DISP1: variants seen among roughly 807,000 people sequenced by gnomAD.
DISP1 encodes dispatched RND transporter family member 1, also known as protein dispatched homolog 1.
A neutral mutation model predicts 37.3 loss-of-function variants in DISP1; 30 were observed. That is an observed-to-expected ratio of 0.80 (90% CI 0.60 to 1.09). DISP1 has a LOEUF of 1.09. Ranked by LOEUF, DISP1 falls within the 50% of genes least tolerant of loss-of-function variation. DISP1 has a pLI of 0.00. For synonymous variants in DISP1, 634 were observed against 690.2 expected, an observed-to-expected ratio of 0.92 and a Z score of 1.28; for missense variants, 1,598 against 1,879.5, an observed-to-expected ratio of 0.85 and a Z score of 2.77.
chr1:223,003,743 G>A lies in DISP1; in HGVS notation c.2346G>A (p.Glu782=). The change falls in exon 9 of 9, where the codon GAG becomes GAA. Residue 782 remains glutamate, a synonymous_variant. Coordinates refer to ENST00000675850, the MANE Select transcript of DISP1 (RefSeq NM_001377229.1). The surrounding 1 kb of genome is among the most constrained non-coding windows in gnomAD (Gnocchi z 4.3). ...TTGAACGTGTTCACCATGGCGAGGA[G>A]CTCCACATGCCCATCACAGTAATCT... ...FMFERVHHGE[E]LHMPITVIWG... is the part of the protein sequence containing the mutation. The A allele has an allele frequency of 3.1e-6, 5 of 1,614,136 alleles. No individual in the cohort carries two copies. Among genetic ancestry groups the A allele is most frequent in the Non-Finnish European group, 4.2e-6 (5 of 1,180,050 alleles).
chr1:223,005,613 TG>T lies in DISP1; in HGVS notation c.4217del (p.Cys1406PhefsTer17). 6.2e-7 allele frequency: 1 copy of T among 1,601,914 alleles called. No individual in the cohort carries two copies. Among genetic ancestry groups the T allele is most frequent in the Non-Finnish European group, 8.5e-7 (1 of 1,175,150 alleles). ...AAGCACTGGATCGTTACTCAAAACG[TG>T]TTGCGACCCCGAGAATAAACAAAGG... ...CRSTGSLLKT[C>X]CDPENKQREL... On this transcript the variant is annotated frameshift_variant, in exon 9 of 9. Coordinates refer to ENST00000675850, the MANE Select transcript of DISP1 (RefSeq NM_001377229.1). LOFTEE classifies it low-confidence loss of function (END_TRUNC).
chr1:222,870,042 T>A (rs1669445053), intron 1 of DISP1, among the ~76,000 whole-genome samples: 1 of 152,186 alleles, frequency 6.6e-6, no homozygotes, highest in South Asian at 2.1e-4. Flanking sequence ...ATGCGGTGTT[T>A]GGTTTTTTGT....
At chr1:222,866,123 T>A (rs1669174431) in intron 1 of DISP1, among the ~76,000 whole-genome samples, 1 of 152,164 alleles carries the variant, frequency 6.6e-6, no homozygotes. Flanking sequence ...AAAATGAATG[T>A]TGGAGAGAGG....
chr1:222,882,028 T>G (rs1670312672), intron 1 of DISP1, among the ~76,000 whole-genome samples: 1 of 152,174 alleles, frequency 6.6e-6, no homozygotes, highest in Non-Finnish European at 1.5e-5. Context: ...GAGAGGGGTA[T>G]GGACTTTTAA....
chr1:222,831,945 G>T (rs1227790753), intron 1 of DISP1, among the ~76,000 whole-genome samples: 1 of 152,156 alleles, frequency 6.6e-6, no homozygotes, highest in Non-Finnish European at 1.5e-5. Flanking sequence ...AGTATCAGTT[G>T]TGTGCCAGGT....
chr1:222,924,596 T>G (rs947283955), intron 1 of DISP1, among the ~76,000 whole-genome samples: 3 of 152,162 alleles, frequency 2.0e-5, no homozygotes, highest in African/African-American at 7.2e-5. Context: ...ATATAGAATA[T>G]TATCTTCAGA....
intron 8 of DISP1, among the ~76,000 whole-genome samples, chr1:222,999,139 C>T (rs1044946010): frequency 6.6e-6 from 1 of 152,086 alleles, no homozygotes; most frequent in African/African-American, 2.4e-5. Context: ...TTACTTTACC[C>T]TCTATTTTAA....
chr1:222,926,458 TC>T (rs2125449481), intron 1 of DISP1, among the ~76,000 whole-genome samples: 1 of 152,318 alleles, frequency 6.6e-6, no homozygotes, highest in African/African-American at 2.4e-5. Flanking sequence ...GTAGTTTTGT[TC>T]CTGAAGTCAC....
At chr1:223,000,788 G>C (rs1005609763) in intron 8 of DISP1, among the ~76,000 whole-genome samples, 1 of 152,118 alleles carries the variant, frequency 6.6e-6, no homozygotes, top group Non-Finnish European at 1.5e-5. Context: ...TTCTGAAGCA[G>C]TGATTCATGC....
chr1:222,914,984 A>G (rs906321664), intron 1 of DISP1, among the ~76,000 whole-genome samples: 2 of 152,096 alleles, frequency 1.3e-5, no homozygotes, highest in Non-Finnish European at 2.9e-5. Context: ...TTCATTAAAA[A>G]GGAAGGAAGG....
intron 1 of DISP1, among the ~76,000 whole-genome samples, chr1:222,853,760 T>G (rs1201097828): frequency 6.6e-6 from 1 of 152,000 alleles, no homozygotes; most frequent in East Asian, 1.9e-4. Flanking sequence ...AAGGGAGGGA[T>G]AGGGAGAGGT....
chr1:222,994,541 G>A (rs534892861), intron 7 of DISP1, among the ~76,000 whole-genome samples: 1 of 152,138 alleles, frequency 6.6e-6, no homozygotes, highest in African/African-American at 2.4e-5. Flanking sequence ...GTATTAGGGT[G>A]ATGTGTTGTG....
At chr1:222,949,072 A>ATTT (rs1558350130) in intron 3 of DISP1, among the ~76,000 whole-genome samples, 12 of 150,548 alleles carry the variant, frequency 8.0e-5, no homozygotes, top group African/African-American at 9.7e-5. Context: ...GTTTTTTTTA[A>ATTT]AAAAAAATTC....
At chr1:222,835,106 T>C (rs1190179072) in intron 1 of DISP1, 2 of 152,192 alleles carry the variant, frequency 1.3e-5, no homozygotes, top group Non-Finnish European at 2.9e-5. Context: ...TATATTATGT[T>C]TTCCTTTCAT....
In DISP1 at chr1:223,005,515, A is replaced by C; in HGVS notation, c.4118A>C (p.Asn1373Thr). ...GCCCAAGAAAAAATTGGCAAGACCA[A>C]TGTACACAGTCTTCAGAGGAGCATA... ...IQAQEKIGKTNVHSLQRSIEE... is the reference protein window; with the variant it reads ...IQAQEKIGKTTVHSLQRSIEE... Residue 1373 changes from asparagine (N) to threonine (T), a missense_variant, in exon 9 of 9, where the codon AAT (asparagine) becomes ACT (threonine). By Grantham distance (65) the Asn-to-Thr change is moderately conservative (BLOSUM62 0). Coordinates refer to ENST00000675850, the MANE Select transcript of DISP1 (RefSeq NM_001377229.1). 1 of 1,614,116 alleles carries C rather than the reference A, an allele frequency of 6.2e-7. No homozygotes were observed. Among genetic ancestry groups the C allele is most frequent in the Non-Finnish European group, 8.5e-7 (1 of 1,180,024 alleles).
intron 3 of DISP1, among the ~76,000 whole-genome samples, chr1:222,946,314 G>A (rs1674773347): frequency 6.7e-6 from 1 of 150,352 alleles, no homozygotes; most frequent in Non-Finnish European, 1.5e-5. Context: ...AACCCAGGAG[G>A]CGAAGCTTGC....
intron 1 of DISP1, among the ~76,000 whole-genome samples, chr1:222,899,603 A>G (rs779062420): frequency 6.6e-6 from 1 of 151,908 alleles, no homozygotes; most frequent in Non-Finnish European, 1.5e-5. Context: ...TTAAGAGATG[A>G]TATCTTGTGC....
At chr1:222,849,868 T>C (rs1668126394) in intron 1 of DISP1, among the ~76,000 whole-genome samples, 1 of 152,144 alleles carries the variant, frequency 6.6e-6, no homozygotes, top group Non-Finnish European at 1.5e-5. Flanking sequence ...TTTATTCTAG[T>C]GTCACCTTCC....
chr1:222,983,746 G>A (rs1678015725), intron 4 of DISP1, among the ~76,000 whole-genome samples: 2 of 152,192 alleles, frequency 1.3e-5, no homozygotes, highest in Admixed American at 1.3e-4. Flanking sequence ...CGAATTCATG[G>A]CAGTTTATTT....
Sources: allele counts gnomAD v4.1 joint callset (sites outside exome capture counted in the v4.1 genomes callset), GRCh38; gene constraint gnomAD v4.1.1; non-coding constraint Gnocchi (gnomAD v3.1); transcripts MANE v1.5; gene names NCBI Gene and HGNC (gene_info 2026-07-23, HGNC 2026-07-21).